Variants in CAST observed in about 807,000 individuals in gnomAD.
The protein encoded by CAST is calpastatin.
A neutral mutation model predicts 119.6 loss-of-function variants in CAST; 76 were observed. That is an observed-to-expected ratio of 0.64 (90% CI 0.53 to 0.77). CAST has a LOEUF of 0.77. Among genes scored for constraint, CAST ranks in the 30% least tolerant of loss-of-function variants. CAST has a pLI of 0.00. For synonymous variants in CAST, 319 were observed against 331.6 expected (o/e 0.96, Z 0.41); for missense variants, 953 against 946.5 (o/e 1.01, Z -0.09).
the CAST span, among the ~76,000 whole-genome samples, chr5:96,312,030 G>A: frequency 1.3e-5 from 2 of 151,660 alleles, no homozygotes; most frequent in Non-Finnish European, 2.9e-5. Context: ...TGGCTTGATG[G>A]TTTTCTGTAG....
the CAST span, among the ~76,000 whole-genome samples, chr5:96,500,712 G>A: frequency 1.3e-5 from 2 of 152,116 alleles, no homozygotes; most frequent in African/African-American, 4.8e-5. Flanking sequence ...CAGTGACTTT[G>A]TCTTACATAA....
the CAST span, among the ~76,000 whole-genome samples, chr5:95,997,499 A>G: frequency 6.6e-6 from 1 of 152,130 alleles, no homozygotes; most frequent in Non-Finnish European, 1.5e-5. Context: ...TTGTCTGCCC[A>G]AGTTTGTTTG....
At chr5:96,149,274 C>G in the CAST span, among the ~76,000 whole-genome samples, 3 of 152,154 alleles carry the variant, frequency 2.0e-5, no homozygotes, top group Non-Finnish European at 4.4e-5. Context: ...GGCTGGAGGC[C>G]GAACTCTAAA....
intron 6 of CAST, among the ~76,000 whole-genome samples, chr5:96,727,734 A>T (rs187694770): frequency 6.6e-6 from 1 of 152,250 alleles, no homozygotes; most frequent in African/African-American, 2.4e-5. Context: ...AAGAATATAT[A>T]ATATTTTATA....
chr5:96,629,082 A>C (rs1747774170), intron 1 of CAST, among the ~76,000 whole-genome samples: 1 of 151,148 alleles, frequency 6.6e-6, no homozygotes, highest in East Asian at 2.0e-4. Context: ...AAATGCCTTA[A>C]ACCCGATACA....
upstream of CAST, among the ~76,000 whole-genome samples, chr5:96,659,269 G>C (rs982088099): frequency 3.3e-5 from 5 of 152,216 alleles, no homozygotes; most frequent in African/African-American, 1.2e-4. Context: ...AAATGGTGCT[G>C]ACAGACATGC....
chr5:96,668,020 A>C (rs1749564462), intron 1 of CAST, among the ~76,000 whole-genome samples: 1 of 152,236 alleles, frequency 6.6e-6, no homozygotes, highest in East Asian at 1.9e-4. Context: ...GTCTCAATAA[A>C]TAAATGAATA....
At chr5:96,059,193 T>C in the CAST span, among the ~76,000 whole-genome samples, 1 of 152,214 alleles carries the variant, frequency 6.6e-6, no homozygotes, top group Middle Eastern at 3.4e-3. Context: ...CTACCTAGCA[T>C]CATGCAAAAC....
the CAST span, among the ~76,000 whole-genome samples, chr5:96,261,480 G>A: frequency 6.6e-6 from 1 of 152,152 alleles, no homozygotes; most frequent in African/African-American, 2.4e-5. Flanking sequence ...ATGCAGAAGG[G>A]ATGTGCAGAA....
the CAST span, among the ~76,000 whole-genome samples, chr5:96,164,076 GC>G: frequency 6.6e-6 from 1 of 152,052 alleles, no homozygotes; most frequent in Non-Finnish European, 1.5e-5. Flanking sequence ...TCAATAGTAA[GC>G]ACTTAATTGT....
At chr5:96,616,152 T>C (rs1054724350) in intron 1 of CAST, among the ~76,000 whole-genome samples, 2 of 152,224 alleles carry the variant, frequency 1.3e-5, no homozygotes, top group Admixed American at 6.5e-5. Flanking sequence ...TAATCTTCTT[T>C]GGCAACACCC....
chr5:96,344,189 G>T, the CAST span, among the ~76,000 whole-genome samples: 2 of 147,012 alleles, frequency 1.4e-5, no homozygotes, highest in African/African-American at 4.9e-5. Context: ...AAGCCCTAAA[G>T]CAATAGTGAA....
chr5:96,420,643 TTGGCTTTC>T, the CAST span, among the ~76,000 whole-genome samples: 1 of 152,028 alleles, frequency 6.6e-6, no homozygotes, highest in African/African-American at 2.4e-5. Context: ...CTGGGGTTTG[TTGGCTTTC>T]TGGAGGGAAG....
Position 96,535,273 on chromosome 5 carries a change from G to A in CAST, c.60+5393G>A, listed in dbSNP as rs115115874. Among the ~76,000 whole-genome samples the A allele has an allele frequency of 8.4e-3, 1,274 of 152,274 alleles. 15 individuals carry two copies. Among genetic ancestry groups the A allele is most frequent in the African/African-American group, 0.029 (1,210 of 41,548 alleles). ...CAGTGTTGGCATTTTGCTAAATATT[G>A]TAAGGAAACAATAATTGGCACAGCG... On this transcript the variant is annotated intron_variant, in intron 1 of 11. Transcript: ENST00000505143.
chr5:96,295,613 T>C, the CAST span, among the ~76,000 whole-genome samples: 1 of 152,216 alleles, frequency 6.6e-6, no homozygotes, highest in Admixed American at 6.5e-5. Context: ...AATATGTTCG[T>C]ATCGACCTAC....
chr5:96,121,971 T>C, the CAST span, among the ~76,000 whole-genome samples: 1 of 152,232 alleles, frequency 6.6e-6, no homozygotes, highest in Non-Finnish European at 1.5e-5. Flanking sequence ...GAATATCTTT[T>C]CTTCCTTCTG....
chr5:96,292,511 A>G, the CAST span, among the ~76,000 whole-genome samples: 3 of 152,222 alleles, frequency 2.0e-5, no homozygotes, highest in Non-Finnish European at 4.4e-5. Context: ...AGCCCAATTC[A>G]GACTGAATTG....
the CAST span, among the ~76,000 whole-genome samples, chr5:95,993,032 C>A: frequency 6.6e-6 from 1 of 152,056 alleles, no homozygotes. Flanking sequence ...ACTTATTATA[C>A]AGCTATAATA....
the CAST span, among the ~76,000 whole-genome samples, chr5:96,087,247 T>C: frequency 6.6e-6 from 1 of 152,232 alleles, no homozygotes; most frequent in Non-Finnish European, 1.5e-5. Context: ...AGAGGTTTCA[T>C]TTACATTTTT....
Sources: gnomAD v4.1 joint callset for allele counts (sites outside exome capture counted in the v4.1 genomes callset) on GRCh38, gnomAD v4.1.1 for gene constraint, MANE v1.5 for transcripts, NCBI Gene and HGNC (gene_info 2026-07-23, HGNC 2026-07-21) for gene names.